ATP7A: variants seen among roughly 807,000 people sequenced by gnomAD.
ATP7A encodes the protein ATPase copper transporting alpha.
A neutral mutation model predicts 83.5 loss-of-function variants in ATP7A; 7 were observed. The observed-to-expected ratio is 0.08, with a 90% CI of 0.05 to 0.16. ATP7A has a LOEUF of 0.16. Among genes scored for constraint, ATP7A ranks in the 10% least tolerant of loss-of-function variants. The pLI is 1.00. For synonymous variants in ATP7A, 354 were observed against 395.2 expected (o/e 0.90, Z 1.24); for missense variants, 940 against 1,120.8 (o/e 0.84, Z 2.30).
chrX:78,023,375 A>G (rs917409582), intron 14 of ATP7A, among the ~76,000 whole-genome samples: 1 of 112,754 alleles, frequency 8.9e-6, no homozygotes, highest in Non-Finnish European at 1.9e-5. Flanking sequence ...AGAAATCTCC[A>G]GACTGTTTTC....
rs149388549 is a variant in ATP7A, at chrX:77,977,984, G to C, written c.120+6223G>C. Among the ~76,000 whole-genome samples, 940 of 111,781 alleles carry C rather than the reference G, an allele frequency of 8.4e-3. 8 individuals carry two copies. Among genetic ancestry groups the C allele is most frequent in the Non-Finnish European group, 0.014 (766 of 53,127 alleles). ...AGAGATTTTCTGTGAAGTTAATGAA[G>C]CTTAAGTTTCAGAGCTCCTCATTTG... is the stretch of plus-strand genomic sequence containing the variant. On this transcript the variant is annotated intron_variant, in intron 2 of 22. Coordinates refer to ENST00000341514, the MANE Select transcript of ATP7A (RefSeq NM_000052.7).
At chrX:77,955,689 C>A (rs2077437386) in intron 1 of ATP7A, among the ~76,000 whole-genome samples, 1 of 110,840 alleles carries the variant, frequency 9.0e-6, no homozygotes, top group South Asian at 3.8e-4. Context: ...TTGTAATGTA[C>A]AATACCTTAC....
At chrX:78,013,387 T>C (rs1403467671) in intron 10 of ATP7A, among the ~76,000 whole-genome samples, 2 of 111,670 alleles carry the variant, frequency 1.8e-5, no homozygotes, top group Non-Finnish European at 3.8e-5. Flanking sequence ...AATTGAAAAA[T>C]TGACATGACC....
At chrX:77,913,099 T>A (rs781879671) in intron 1 of ATP7A, among the ~76,000 whole-genome samples, 13 of 112,309 alleles carry the variant, frequency 1.2e-4, no homozygotes, top group East Asian at 2.8e-4. Flanking sequence ...AAATACATTT[T>A]AAAAAAATAA....
intron 12 of ATP7A, among the ~76,000 whole-genome samples, chrX:78,019,363 C>A (rs1557235488): frequency 2.7e-5 from 3 of 112,223 alleles, no homozygotes; most frequent in Non-Finnish European, 5.6e-5. Context: ...AAAATGATAC[C>A]TTTCCAATCT....
intron 9 of ATP7A, among the ~76,000 whole-genome samples, chrX:78,012,560 C>T (rs1385796224): frequency 6.9e-5 from 7 of 102,149 alleles, no homozygotes; most frequent in Middle Eastern, 5.0e-3. Flanking sequence ...AGTTTGAGAC[C>T]AGCCTGGGCA....
chrX:77,976,993 T>C, intron 2 of ATP7A, among the ~76,000 whole-genome samples: 1 of 111,655 alleles, frequency 9.0e-6, no homozygotes, highest in East Asian at 2.8e-4. Context: ...TAATGATCTT[T>C]GGGGAAAGAG....
At chrX:77,937,553 ACAACCCAGTTCTTT>A (rs2077326580) in intron 1 of ATP7A, among the ~76,000 whole-genome samples, 3 of 112,096 alleles carry the variant, frequency 2.7e-5, no homozygotes, top group African/African-American at 9.7e-5. Context: ...AAAATTGGAA[ACAACCCAGTTCTTT>A]CAACTGGTGA....
chrX:78,044,365 A>G (rs1557238835), intron 21 of ATP7A, among the ~76,000 whole-genome samples: 2 of 111,265 alleles, frequency 1.8e-5, no homozygotes. Flanking sequence ...ATTTTGCCAC[A>G]TTGCTTCATC....
chrX:78,030,795 G>A (rs1292279598), intron 15 of ATP7A, among the ~76,000 whole-genome samples: 13 of 106,487 alleles, frequency 1.2e-4, no homozygotes, highest in African/African-American at 3.8e-4. Flanking sequence ...AAGTTCCAGC[G>A]ATTCTCCTGC....
At position 78,009,853 on chromosome X, in the gene ATP7A, C is replaced by T. The variant is rs781952843; in HGVS notation, c.1869+590C>T. 4.5e-5 allele frequency among the ~76,000 whole-genome samples: 5 copies of T among 111,950 alleles called. No individual in the cohort carries two copies. The East Asian group carries it at 8.4e-4, about 19-fold the overall frequency. On this transcript the variant is annotated intron_variant, in intron 7 of 22. Coordinates refer to ENST00000341514, the MANE Select transcript of ATP7A (RefSeq NM_000052.7). ...CCACGCACCCATAGTATTAATCACA[C>T]GAGAAGCAGAGGTAGGAGGATTGCT...
intron 13 of ATP7A, 70 bp downstream of exon 13, chrX:78,020,468 G>A (rs2077897459): frequency 4.4e-6 from 5 of 1,139,285 alleles, no homozygotes; most frequent in Non-Finnish European, 6.0e-6. Context: ...TCTTCACCTA[G>A]TTTTTACGTT....
At chrX:77,927,430 C>T (rs1557223715) in intron 1 of ATP7A, among the ~76,000 whole-genome samples, 2 of 111,492 alleles carry the variant, frequency 1.8e-5, no homozygotes, top group Non-Finnish European at 3.8e-5. Flanking sequence ...GACATGATGT[C>T]ATTAAGCAAA....
chrX:77,953,778 G>T (rs2077426217), intron 1 of ATP7A, among the ~76,000 whole-genome samples: 1 of 112,232 alleles, frequency 8.9e-6, no homozygotes, highest in Non-Finnish European at 1.9e-5. Context: ...TGCACACATT[G>T]CCCTGTTAAG....
intron 1 of ATP7A, among the ~76,000 whole-genome samples, chrX:77,932,916 C>T (rs913857594): frequency 3.0e-4 from 32 of 107,343 alleles, no homozygotes; most frequent in Admixed American, 1.4e-3. Context: ...AGAGGGGGAC[C>T]GTGGGGAGAG....
chrX:77,945,148 C>A (rs1442283526), intron 1 of ATP7A, among the ~76,000 whole-genome samples: 1 of 108,648 alleles, frequency 9.2e-6, no homozygotes, highest in African/African-American at 3.4e-5. Flanking sequence ...TAAGCCACCA[C>A]GCCTGGCCGA....
At chrX:77,919,678 G>C (rs1471955696) in intron 1 of ATP7A, among the ~76,000 whole-genome samples, 2 of 111,901 alleles carry the variant, frequency 1.8e-5, no homozygotes, top group Admixed American at 9.5e-5. Context: ...AGTGGAGACG[G>C]GGTTTCACCA....
chrX:77,969,538 C>G, intron 1 of ATP7A: 2 of 1,211,485 alleles, frequency 1.7e-6, no homozygotes, highest in Non-Finnish European at 2.2e-6. Flanking sequence ...CTCCTCGTGG[C>G]CCGCCGGGCT....
intron 2 of ATP7A, among the ~76,000 whole-genome samples, chrX:77,985,123 A>G (rs1417562554): frequency 9.0e-6 from 1 of 110,717 alleles, no homozygotes; most frequent in African/African-American, 3.3e-5. Flanking sequence ...GGCTCAGGCA[A>G]TCCTCCCACC....
Sources: gnomAD v4.1 joint callset for allele counts (sites outside exome capture counted in the v4.1 genomes callset) on GRCh38, gnomAD v4.1.1 for gene constraint, MANE v1.5 for transcripts, NCBI Gene and HGNC (gene_info 2026-07-23, HGNC 2026-07-21) for gene names.